The following AHCTF1 variants were observed in gnomAD, a reference collection of about 807,000 sequenced individuals.
The protein encoded by AHCTF1 is AT-hook containing transcription factor 1.
In AHCTF1, 24 loss-of-function variants were observed where a neutral mutation model predicts 248.4. The ratio of observed to expected loss-of-function variants is 0.10; its 90% CI spans 0.07 to 0.14. The LOEUF (loss-of-function observed/expected upper bound fraction) is 0.14. AHCTF1 is among the 10% of genes least tolerant of loss of function. AHCTF1 has a pLI of 1.00. For synonymous variants in AHCTF1, 786 were observed against 929.8 expected, an observed-to-expected ratio of 0.85 and a Z score of 2.81; for missense variants, 2,206 against 2,636.2, an observed-to-expected ratio of 0.84 and a Z score of 3.57.
chr1:246,920,751 C>CAGAGCAAAACACTGTCTCA (rs1666486330), intron 1 of AHCTF1, among the ~76,000 whole-genome samples: 1 of 143,156 alleles, frequency 7.0e-6, no homozygotes, highest in Non-Finnish European at 1.5e-5. Flanking sequence ...GCCTGGGTGA[C>CAGAGCAAAACACTGTCTCA]AGAGCAAAAC....
At position 246,883,382 on chromosome 1, in the gene AHCTF1, T is replaced by C. The variant is rs1011059865; in HGVS notation, c.2660+2111A>G. On this transcript the variant is annotated intron_variant, in intron 21 of 35. Coordinates refer to ENST00000648844, the MANE Select transcript of AHCTF1 (RefSeq NM_001323342.2). The stretch of plus-strand genomic sequence containing the variant: ...TTTGAACAAATTAGGTGATTATGTA[T>C]GACCGCAGGAGATACTCAGAAACTT... Among the ~76,000 whole-genome samples, 5 of 152,230 alleles carry C rather than the reference T, an allele frequency of 3.3e-5. No individual in the cohort carries two copies. The East Asian group carries it at 9.6e-4, about 29-fold the overall frequency.
intron 16 of AHCTF1, 66 bp downstream of exon 16, chr1:246,890,885 GAATAC>G: frequency 9.8e-7 from 1 of 1,022,970 alleles, no homozygotes; most frequent in Non-Finnish European, 1.3e-6. Context: ...CAAAGCATTA[GAATAC>G]AATAACAAAA....
At chr1:246,843,164 A>G (rs1438607993) in intron 34 of AHCTF1, among the ~76,000 whole-genome samples, 1 of 152,236 alleles carries the variant, frequency 6.6e-6, no homozygotes, top group Non-Finnish European at 1.5e-5. Flanking sequence ...GCTATTCACA[A>G]TGAACACTCC....
intron 1 of AHCTF1, among the ~76,000 whole-genome samples, chr1:246,920,392 A>T (rs938875594): frequency 2.0e-5 from 3 of 152,134 alleles, no homozygotes; most frequent in Admixed American, 1.3e-4. Flanking sequence ...TTAAATAAAA[A>T]CTAAAACTCA....
intron 30 of AHCTF1, among the ~76,000 whole-genome samples, chr1:246,856,326 A>G (rs1278295079): frequency 1.3e-5 from 2 of 152,240 alleles, no homozygotes; most frequent in Non-Finnish European, 2.9e-5. Flanking sequence ...TTCCTTTAAT[A>G]TTCTAATCTG....
At position 246,916,486 on chromosome 1, in the gene AHCTF1, T is replaced by C. The variant is rs1032273456; in HGVS notation, c.122-91A>G. The C allele has an allele frequency of 3.2e-5, 37 of 1,164,140 alleles. No homozygotes were observed. The East Asian group carries it at 9.0e-4, about 28-fold the overall frequency. 72.1% of individuals were successfully genotyped at this position (1,164,140 alleles called of 1,614,324 possible). On this transcript the variant is annotated intron_variant, in intron 2 of 35. Coordinates refer to ENST00000648844, the MANE Select transcript of AHCTF1 (RefSeq NM_001323342.2). ...TCATTTACATACAACTATATGTTCA[T>C]TACATAAAACTTTACATATTATCTC...
At position 246,898,232 on chromosome 1, in the gene AHCTF1, A is replaced by G. The variant is rs1273689018; in HGVS notation, c.1599T>C (p.Asp533=). ...VAGLLSPRFV[D]VQPSSLSQEE... ...CTTGGCTTAAACTGGAAGGCTGAAC[A>G]TCAACAAATCTTGGGGAAAGAAGGC... The change falls in exon 12 of 36, where the codon GAT becomes GAC. Residue 533 remains aspartate, a synonymous_variant. Transcript: ENST00000648844. 1 of 1,612,316 alleles carries G rather than the reference A, an allele frequency of 6.2e-7. No individual in the cohort carries two copies.
intron 30 of AHCTF1, among the ~76,000 whole-genome samples, chr1:246,856,186 G>A (rs768283817): frequency 7.2e-5 from 11 of 152,160 alleles, no homozygotes; most frequent in Non-Finnish European, 1.5e-4. Flanking sequence ...TATTTTCTAT[G>A]AACTCAGTAG....
intron 33 of AHCTF1, among the ~76,000 whole-genome samples, chr1:246,844,508 G>T (rs905755823): frequency 1.3e-5 from 2 of 152,068 alleles, no homozygotes; most frequent in African/African-American, 4.8e-5. Context: ...ACGGCTTAAG[G>T]CCAGGAGTTC....
At chr1:246,845,876 C>CA (rs1189868587) in intron 33 of AHCTF1, among the ~76,000 whole-genome samples, 1 of 152,044 alleles carries the variant, frequency 6.6e-6, no homozygotes, top group East Asian at 1.9e-4. Context: ...GTGGCCAATG[C>CA]AAACCATGGC....
chr1:246,862,101 G>A lies in AHCTF1; in HGVS notation c.3593C>T (p.Thr1198Ile), dbSNP rs771569343. The change falls in exon 28 of 36, where the codon ACT (threonine) becomes ATT (isoleucine). Residue 1198 changes from threonine to isoleucine, a missense_variant. Physicochemically the swap from Thr to Ile is moderately conservative, Grantham distance 89 (BLOSUM62 -1). Transcript: ENST00000648844. ...SVTTSGFSEF[T>I]PQSILRSTLR... Reference sequence around the variant, plus strand: ...AGTAGACCTCAGGATGGACTGAGGAGTGAACTCAGAAAATCCAGAAGTAGT... The same window carrying A: ...AGTAGACCTCAGGATGGACTGAGGAATGAACTCAGAAAATCCAGAAGTAGT... 1 of 1,608,640 alleles carries A rather than the reference G, an allele frequency of 6.2e-7. No individual in the cohort carries two copies. Among genetic ancestry groups the A allele is most frequent in the Non-Finnish European group, 8.5e-7 (1 of 1,178,268 alleles).
rs372869333 is a variant in AHCTF1 at position 246,868,907 on chromosome 1, T to C, written c.3089-1096A>G. 2.9e-3 allele frequency among the ~76,000 whole-genome samples: 441 copies of C among 149,594 alleles called. 1 individual carries two copies. The highest frequency in any genetic ancestry group is 0.021 in the Middle Eastern group (6 of 284). On this transcript the variant is annotated intron_variant, in intron 24 of 35. Coordinates refer to ENST00000648844, the MANE Select transcript of AHCTF1 (RefSeq NM_001323342.2). ...TCACCCAGGTTGGAGTGCAGTGGTG[T>C]GATCTCGGCTCACTGCAAGTTCTGC...
At chr1:246,891,713 A>G in intron 15 of AHCTF1, 66 bp downstream of exon 15, 2 of 1,529,890 alleles carry the variant, frequency 1.3e-6, no homozygotes, top group Non-Finnish European at 1.8e-6. Context: ...GGGAAATGTT[A>G]TTCGTTTCTC....
Position 246,842,696 on chromosome 1 carries a change from G to C in AHCTF1, c.6606C>G (p.Ser2202Arg). The change falls in exon 35 of 36, where the codon AGC becomes AGG. Residue 2202 changes from serine to arginine, a missense_variant and splice_region_variant. Physicochemically the swap from Ser to Arg is moderately radical, Grantham distance 110. Transcript: ENST00000648844. The part of the protein sequence containing the change: ...RIRTSKTKQA[S>R]KNTEKESAWS... ...AAGAACAGAACAGAAAGTCATACTT[G>C]CTTGCTTGTTTTGTTTTTGACGTCC... The C allele has an allele frequency of 6.2e-7, 1 of 1,612,918 alleles. No homozygotes were observed. Among genetic ancestry groups the C allele is most frequent in the Non-Finnish European group, 8.5e-7 (1 of 1,179,794 alleles).
chr1:246,852,961 A>C lies in AHCTF1; in HGVS notation c.4563+130T>G, dbSNP rs1038641415. Reference sequence around the variant, plus strand: ...ATTTATACACTTATTTTTTGAACCCATATTTTTATAAATAAGTTTTTATAT... The same window carrying C: ...ATTTATACACTTATTTTTTGAACCCCTATTTTTATAAATAAGTTTTTATAT... On this transcript the variant is annotated intron_variant, in intron 32 of 35. Coordinates refer to ENST00000648844, the MANE Select transcript of AHCTF1 (RefSeq NM_001323342.2). 5.1e-5 allele frequency: 34 copies of C among 663,112 alleles called. No homozygotes were observed. In the African/African-American group the frequency reaches 5.5e-4, roughly 11 times the overall value. The allele number at this position is 663,112 out of a possible 1,614,324, so 41.1% of individuals were successfully genotyped here.
At chr1:246,854,081 T>C (rs1660921010) in intron 31 of AHCTF1, among the ~76,000 whole-genome samples, 1 of 151,992 alleles carries the variant, frequency 6.6e-6, no homozygotes, top group Non-Finnish European at 1.5e-5. Context: ...AGGTGGATCA[T>C]GAGGTCAGGA....
In AHCTF1 at chr1:246,842,581, C is replaced by CA. The variant is rs199923661; in HGVS notation, c.6608+112dup. ...TTGGTGACAGACCGAGACTCTGTCT[C>CA]AAAAAAAATAAATAAAAATAAAATA... On this transcript the variant is annotated intron_variant, in intron 35 of 35. Coordinates refer to ENST00000648844, the MANE Select transcript of AHCTF1 (RefSeq NM_001323342.2). 178 of 811,182 alleles carry CA rather than the reference C, an allele frequency of 2.2e-4. No individual in the cohort carries two copies. The East Asian group carries it at 2.2e-3, about 10-fold the overall frequency. 50.2% of individuals were successfully genotyped at this position (811,182 alleles called of 1,614,324 possible).
At chr1:246,929,564 T>G (rs1378103305) in intron 1 of AHCTF1, among the ~76,000 whole-genome samples, 1 of 151,894 alleles carries the variant, frequency 6.6e-6, no homozygotes, top group Non-Finnish European at 1.5e-5. Context: ...ACAGAATGAG[T>G]CCAGGATTGA....
At chr1:246,858,814 AT>A (rs778959386) in intron 29 of AHCTF1, among the ~76,000 whole-genome samples, 6 of 151,898 alleles carry the variant, frequency 4.0e-5, no homozygotes, top group South Asian at 2.1e-4. Flanking sequence ...AAAAAAAAAA[AT>A]AAATACAAAT....
Sources: gnomAD v4.1 joint callset for allele counts (sites outside exome capture counted in the v4.1 genomes callset) on GRCh38, gnomAD v4.1.1 for gene constraint, MANE v1.5 for transcripts, NCBI Gene and HGNC (gene_info 2026-07-23, HGNC 2026-07-21) for gene names.